PRKG1: variants seen among roughly 807,000 people sequenced by gnomAD.
PRKG1 encodes the protein protein kinase cGMP-dependent 1.
In PRKG1, 35 loss-of-function variants were observed where a neutral mutation model predicts 88.1. That is an observed-to-expected ratio of 0.40 (90% CI 0.30 to 0.53). The LOEUF (loss-of-function observed/expected upper bound fraction) is 0.53. PRKG1 is among the 20% of genes least tolerant of loss of function. The pLI is 0.59. For missense variants in PRKG1, 540 were observed against 839.8 expected, an observed-to-expected ratio of 0.64 and a Z score of 4.41; for synonymous variants, 303 against 292.5, an observed-to-expected ratio of 1.04 and a Z score of -0.37.
At chr10:51,410,123 C>T (rs569685425) in intron 2 of PRKG1, among the ~76,000 whole-genome samples, 2 of 151,652 alleles carry the variant, frequency 1.3e-5, no homozygotes, top group South Asian at 2.1e-4. Context: ...GTACCAAAAT[C>T]GGTGTTAGTC....
intron 3 of PRKG1, among the ~76,000 whole-genome samples, chr10:51,490,611 G>A (rs1840680402): frequency 6.6e-6 from 1 of 152,212 alleles, no homozygotes; most frequent in African/African-American, 2.4e-5. Flanking sequence ...CTCCTAATAA[G>A]GAGCTGAGAC....
chr10:51,372,526 C>A (rs937174763), intron 2 of PRKG1, among the ~76,000 whole-genome samples: 3 of 152,110 alleles, frequency 2.0e-5, no homozygotes, highest in Admixed American at 6.6e-5. Flanking sequence ...CTGTCTAGAA[C>A]TTCTGCTACT....
intron 1 of PRKG1, among the ~76,000 whole-genome samples, chr10:51,022,564 G>A (rs978414639): frequency 5.9e-5 from 9 of 152,122 alleles, no homozygotes; most frequent in African/African-American, 2.2e-4. Flanking sequence ...GGAGTGCCTG[G>A]CAGACAACCT....
intron 2 of PRKG1, among the ~76,000 whole-genome samples, chr10:51,276,870 C>A (rs917072081): frequency 6.6e-6 from 1 of 152,118 alleles, no homozygotes; most frequent in African/African-American, 2.4e-5. Context: ...AGCCCTTTGT[C>A]AGATGAGCAG....
At chr10:51,822,621 A>C (rs900837135) in intron 4 of PRKG1, among the ~76,000 whole-genome samples, 1 of 152,132 alleles carries the variant, frequency 6.6e-6, no homozygotes, top group Non-Finnish European at 1.5e-5. Flanking sequence ...TGGATTGATA[A>C]TGTTCTGTGT....
At chr10:51,513,038 G>A (rs1489572869) in intron 3 of PRKG1, among the ~76,000 whole-genome samples, 1 of 150,406 alleles carries the variant, frequency 6.6e-6, no homozygotes, top group Non-Finnish European at 1.5e-5. Context: ...TTTTTGATGG[G>A]GTTGTTTGTT....
chr10:52,036,467 A>G (rs1845612714), intron 5 of PRKG1, among the ~76,000 whole-genome samples: 1 of 151,384 alleles, frequency 6.6e-6, no homozygotes. Flanking sequence ...CAGGCAAGTG[A>G]TAACAGGCTT....
At chr10:51,446,978 C>G (rs1227781741) in intron 2 of PRKG1, among the ~76,000 whole-genome samples, 1 of 152,036 alleles carries the variant, frequency 6.6e-6, no homozygotes, top group African/African-American at 2.4e-5. Context: ...AAGTAGTACA[C>G]ATCTGCAAGC....
intron 4 of PRKG1, among the ~76,000 whole-genome samples, chr10:51,869,208 G>A (rs1160450306): frequency 2.6e-5 from 4 of 151,966 alleles, no homozygotes; most frequent in South Asian, 2.1e-4. Context: ...GATACCAACC[G>A]TACTTCTCAG....
intron 2 of PRKG1, among the ~76,000 whole-genome samples, chr10:51,381,558 T>C (rs1837104924): frequency 6.6e-6 from 1 of 152,144 alleles, no homozygotes; most frequent in African/African-American, 2.4e-5. Context: ...TAGTTTCAAG[T>C]TTCTCTCTTC....
At chr10:51,516,297 G>C (rs1045025753) in intron 3 of PRKG1, among the ~76,000 whole-genome samples, 2 of 152,064 alleles carry the variant, frequency 1.3e-5, no homozygotes, top group African/African-American at 4.8e-5. Context: ...TCTAGCTGCT[G>C]TCTCCGAAGT....
At chr10:51,023,933 T>G (rs1843169813) in intron 1 of PRKG1, among the ~76,000 whole-genome samples, 1 of 152,224 alleles carries the variant, frequency 6.6e-6, no homozygotes, top group Non-Finnish European at 1.5e-5. Flanking sequence ...CAGGCAAATA[T>G]TGCAAGCTTT....
In PRKG1 at chr10:51,439,893, C is replaced by A. The variant is rs1183240754; in HGVS notation, c.479-27830C>A. ...GCCCCATAAATTTTTAACACAAGAG[C>A]TTTTGTTGAACTTGAAGAATTCTTT... On this transcript the variant is annotated intron_variant, in intron 2 of 17. Coordinates refer to ENST00000373980, the MANE Select transcript of PRKG1 (RefSeq NM_006258.4). Among the ~76,000 whole-genome samples the A allele has an allele frequency of 3.3e-5, 5 of 151,848 alleles. No homozygotes were observed. In the East Asian group the frequency reaches 9.7e-4, roughly 29 times the overall value.
At chr10:51,982,635 A>G (rs906807171) in intron 5 of PRKG1, among the ~76,000 whole-genome samples, 2 of 152,170 alleles carry the variant, frequency 1.3e-5, no homozygotes, top group Non-Finnish European at 2.9e-5. Flanking sequence ...GACTTTTATC[A>G]GCCCCAAACT....
intron 2 of PRKG1, among the ~76,000 whole-genome samples, chr10:51,219,481 G>A (rs191740162): frequency 9.2e-5 from 14 of 151,950 alleles, no homozygotes; most frequent in Admixed American, 4.6e-4. Context: ...AGGCTGTGGC[G>A]GGTGGATCAC....
chr10:51,110,442 A>T (rs1321036147), intron 1 of PRKG1, among the ~76,000 whole-genome samples: 1 of 152,146 alleles, frequency 6.6e-6, no homozygotes, highest in Non-Finnish European at 1.5e-5. Flanking sequence ...AAACAAAAGA[A>T]TATATACTGT....
chr10:51,292,238 A>G (rs2132223950), intron 2 of PRKG1, among the ~76,000 whole-genome samples: 1 of 152,250 alleles, frequency 6.6e-6, no homozygotes, highest in East Asian at 1.9e-4. Context: ...TCTAGCTGGC[A>G]TTACTCTGGG....
chr10:51,584,607 A>G (rs528667498), intron 3 of PRKG1, among the ~76,000 whole-genome samples: 1 of 152,130 alleles, frequency 6.6e-6, no homozygotes, highest in East Asian at 1.9e-4. Context: ...GTCTGGGGGA[A>G]AGAAGAAGGG....
chr10:52,043,280 C>A (rs1206140474), intron 5 of PRKG1, among the ~76,000 whole-genome samples: 1 of 151,992 alleles, frequency 6.6e-6, no homozygotes, highest in Non-Finnish European at 1.5e-5. Context: ...GTGTTTATTG[C>A]AGCACTATGA....
Sources: gnomAD v4.1 joint callset for allele counts (sites outside exome capture counted in the v4.1 genomes callset) on GRCh38, gnomAD v4.1.1 for gene constraint, MANE v1.5 for transcripts, NCBI Gene and HGNC (gene_info 2026-07-23, HGNC 2026-07-21) for gene names.